ZC2HC1A: variants seen among roughly 807,000 people sequenced by gnomAD.
The protein encoded by ZC2HC1A is zinc finger C2HC-type containing 1A, also known as zinc finger C2HC domain-containing protein 1A.
In ZC2HC1A, 28 loss-of-function variants were observed where a neutral mutation model predicts 40.7. The observed-to-expected ratio is 0.69, with a 90% CI of 0.51 to 0.94. ZC2HC1A has a LOEUF of 0.94. Among genes scored for constraint, ZC2HC1A ranks in the 40% least tolerant of loss-of-function variants. ZC2HC1A has a pLI of 0.00. For synonymous variants in ZC2HC1A, 129 were observed against 129.2 expected (o/e 1.00, Z 0.01); for missense variants, 389 against 386.3 (o/e 1.01, Z -0.06).
At chr8:78,689,161 T>C (rs1810124204) in intron 4 of ZC2HC1A, 61 bp from the exon 5 acceptor site, 3 of 1,272,032 alleles carry the variant, frequency 2.4e-6, no homozygotes, top group Non-Finnish European at 3.1e-6. Context: ...AAACTTAAGA[T>C]TTTTTAATGT....
At chr8:78,685,210 G>C (rs1389932319) in intron 3 of ZC2HC1A, among the ~76,000 whole-genome samples, 1 of 151,560 alleles carries the variant, frequency 6.6e-6, no homozygotes, top group African/African-American at 2.4e-5. Context: ...GTTGTGGGGG[G>C]ACAGGGAGGG....
intron 7 of ZC2HC1A, chr8:78,712,246 A>T: frequency 2.7e-6 from 1 of 376,724 alleles, no homozygotes; most frequent in Non-Finnish European, 4.6e-6. Flanking sequence ...GTGTCAAATA[A>T]TCTAGGATTT....
intron 5 of ZC2HC1A, among the ~76,000 whole-genome samples, chr8:78,690,041 G>A (rs986713444): frequency 6.6e-6 from 1 of 152,126 alleles, no homozygotes; most frequent in Non-Finnish European, 1.5e-5. Context: ...GTTTTAGCAC[G>A]ATTTGTTTAA....
rs147248928 is a variant in ZC2HC1A at position 78,702,251 on chromosome 8, T to C, written c.704+3738T>C. On this transcript the variant is annotated intron_variant, in intron 7 of 8. Transcript: ENST00000263849. ...CATTTCTTCTAGATTTTCTAGTTTA[T>C]GTGTATTGAGGTATTCATAATATTC... Among the ~76,000 whole-genome samples the C allele has an allele frequency of 5.7e-3, 873 of 152,334 alleles. 8 individuals carry two copies. The highest frequency in any genetic ancestry group is 0.02 in the African/African-American group (818 of 41,578).
chr8:78,687,636 A>ATATATATATTTATGTAATACAT (rs879786809), intron 4 of ZC2HC1A, among the ~76,000 whole-genome samples: 34,342 of 129,968 alleles, frequency 0.26, 16,754 homozygotes, highest in Non-Finnish European at 0.34. Context: ...GTAATACATT[A>ATATATATATTTATGTAATACAT]TATATATATT....
intron 5 of ZC2HC1A, among the ~76,000 whole-genome samples, chr8:78,695,155 A>G (rs148906364): frequency 2.0e-5 from 3 of 152,180 alleles, no homozygotes; most frequent in African/African-American, 7.2e-5. Flanking sequence ...TAACCTGACT[A>G]GTTCTTGTCT....
At chr8:78,702,518 T>G (rs1182110281) in intron 7 of ZC2HC1A, among the ~76,000 whole-genome samples, 2 of 152,172 alleles carry the variant, frequency 1.3e-5, no homozygotes, top group Non-Finnish European at 2.9e-5. Flanking sequence ...GGGATTTGTT[T>G]GTTCTTGTTT....
chr8:78,706,217 G>A (rs1416332367), intron 7 of ZC2HC1A, among the ~76,000 whole-genome samples: 1 of 152,218 alleles, frequency 6.6e-6, no homozygotes, highest in African/African-American at 2.4e-5. Flanking sequence ...TTCCAAGCCA[G>A]TGGGTCTTAT....
At chr8:78,687,956 CTATATT>C (rs1199048811) in intron 4 of ZC2HC1A, among the ~76,000 whole-genome samples, 1 of 140,786 alleles carries the variant, frequency 7.1e-6, no homozygotes, top group African/African-American at 2.6e-5. Context: ...TAAACTATAT[CTATATT>C]TATATATAAA....
chr8:78,711,297 A>G (rs1333056014), intron 7 of ZC2HC1A, among the ~76,000 whole-genome samples: 1 of 152,160 alleles, frequency 6.6e-6, no homozygotes, highest in Non-Finnish European at 1.5e-5. Context: ...GATTTAAAAC[A>G]GTGAAATATC....
At chr8:78,670,870 T>C (rs1809422296) in intron 1 of ZC2HC1A, among the ~76,000 whole-genome samples, 1 of 152,142 alleles carries the variant, frequency 6.6e-6, no homozygotes, top group Admixed American at 6.5e-5. Flanking sequence ...AGACAAAAAC[T>C]CTTCTAGGAT....
At chr8:78,686,205 G>A (rs1308976387) in intron 3 of ZC2HC1A, among the ~76,000 whole-genome samples, 1 of 152,098 alleles carries the variant, frequency 6.6e-6, no homozygotes, top group African/African-American at 2.4e-5. Context: ...GTCTTAGTGG[G>A]AGGATAAATA....
intron 3 of ZC2HC1A, among the ~76,000 whole-genome samples, chr8:78,680,173 G>C (rs538350877): frequency 2.7e-4 from 41 of 151,080 alleles, no homozygotes; most frequent in African/African-American, 9.5e-4. Flanking sequence ...ATGAATATTA[G>C]TCATCCTGTT....
intron 5 of ZC2HC1A, among the ~76,000 whole-genome samples, chr8:78,694,885 C>T (rs1419821167): frequency 6.6e-6 from 1 of 152,070 alleles, no homozygotes; most frequent in East Asian, 1.9e-4. Flanking sequence ...TTTCATTCTC[C>T]TGGTCATTAA....
intron 5 of ZC2HC1A, among the ~76,000 whole-genome samples, chr8:78,692,553 CT>C (rs1810245084): frequency 6.6e-6 from 1 of 151,988 alleles, no homozygotes; most frequent in Non-Finnish European, 1.5e-5. Context: ...AGTGTTTTTA[CT>C]TTCTTTCCTT....
At chr8:78,684,167 C>G (rs568847059) in intron 3 of ZC2HC1A, among the ~76,000 whole-genome samples, 1 of 152,172 alleles carries the variant, frequency 6.6e-6, no homozygotes, top group East Asian at 1.9e-4. Context: ...ATAGCAGTAC[C>G]CCACTCCACC....
intron 3 of ZC2HC1A, among the ~76,000 whole-genome samples, chr8:78,681,088 G>A (rs1363123507): frequency 1.4e-5 from 2 of 147,528 alleles, no homozygotes; most frequent in Admixed American, 6.7e-5. Flanking sequence ...TTTTTTTTTT[G>A]AAGTGGTTCT....
At chr8:78,679,882 A>C (rs1406955284) in intron 3 of ZC2HC1A, among the ~76,000 whole-genome samples, 7 of 152,316 alleles carry the variant, frequency 4.6e-5, no homozygotes, top group Non-Finnish European at 8.8e-5. Flanking sequence ...ATAAATCAAT[A>C]TATGACGTTT....
rs747282047 is a variant in ZC2HC1A, at chr8:78,719,631, A to G, written c.*2138A>G. 4.0e-5 allele frequency: 6 copies of G among 151,752 alleles called. No homozygotes were observed. The highest frequency in any genetic ancestry group is 4.8e-5 in the African/African-American group (2 of 41,430). The allele number at this position is 151,752 out of a possible 1,614,324, so 9.4% of individuals were successfully genotyped here. ...TTAAAAATGTAAAAATTGCTTATGT[A>G]TTATTCTGAATTGTGTTAGGTTGAA... On this transcript the variant is annotated 3_prime_UTR_variant, in exon 9 of 9. Transcript: ENST00000263849.
Sources: allele counts gnomAD v4.1 joint callset (sites outside exome capture counted in the v4.1 genomes callset), GRCh38; gene constraint gnomAD v4.1.1; transcripts MANE v1.5; gene names NCBI Gene and HGNC (gene_info 2026-07-23, HGNC 2026-07-21).